Variants in EZH1 observed in about 807,000 individuals in gnomAD.
The protein encoded by EZH1 is enhancer of zeste 1 polycomb repressive complex 2 subunit.
In EZH1, 33 loss-of-function variants were observed where a neutral mutation model predicts 100.5. The ratio of observed to expected loss-of-function variants is 0.33; its 90% CI spans 0.25 to 0.44. The LOEUF (loss-of-function observed/expected upper bound fraction) is 0.44, where lower values mean the gene tolerates loss of function less well. Among genes scored for constraint, EZH1 ranks in the 20% least tolerant of loss-of-function variants. EZH1 has a pLI of 1.00. For synonymous variants in EZH1, 272 were observed against 313.8 expected (o/e 0.87, Z 1.41); for missense variants, 475 against 928.4 (o/e 0.51, Z 6.35).
chr17:42,718,043 T>A lies in EZH1; in HGVS notation c.956A>T (p.Tyr319Phe). The change falls in exon 10 of 21, where the codon TAT (tyrosine) becomes TTT (phenylalanine). Residue 319 changes from tyrosine (Y) to phenylalanine (F), a missense_variant. Tyr to Phe is a conservative substitution (Grantham distance 22, BLOSUM62 3). Coordinates refer to ENST00000428826, the MANE Select transcript of EZH1 (RefSeq NM_001991.5). This position sits in a 1 kb window ranked among gnomAD's most constrained non-coding sequence, Gnocchi z 4.2. ...LHPFHATPNV[Y>F]KRKNKEIKIE... The stretch of plus-strand genomic sequence containing the variant: ...CTTGATTTCTTTATTCTTGCGTTTA[T>A]ATACATTAGGGGTGGCATGAAAAGC... 6.2e-7 allele frequency: 1 copy of A among 1,614,208 alleles called. No homozygotes were observed. The highest frequency in any genetic ancestry group is 8.5e-7 in the Non-Finnish European group (1 of 1,180,036).
At chr17:42,728,456 C>T (rs1266031912) in intron 3 of EZH1, among the ~76,000 whole-genome samples, 1 of 149,876 alleles carries the variant, frequency 6.7e-6, no homozygotes, top group East Asian at 2.0e-4. Flanking sequence ...AATTCCAACC[C>T]CTGGGCCAGG....
intron 1 of EZH1, among the ~76,000 whole-genome samples, chr17:42,738,037 A>G (rs2054098735): frequency 6.6e-6 from 1 of 151,958 alleles, no homozygotes; most frequent in African/African-American, 2.4e-5. Context: ...TTAGCTGGGC[A>G]TGGTGGCGGG....
intron 13 of EZH1, chr17:42,709,398 G>C (rs773935055): frequency 2.2e-5 from 4 of 184,412 alleles, no homozygotes; most frequent in Non-Finnish European, 4.6e-5. Context: ...ATAGTCACTA[G>C]GGAACAGGGC....
At chr17:42,707,691 C>A (rs550019024) in intron 15 of EZH1, among the ~76,000 whole-genome samples, 1 of 152,248 alleles carries the variant, frequency 6.6e-6, no homozygotes, top group African/African-American at 2.4e-5. Flanking sequence ...TGCTGCCCCC[C>A]ACATTTCTTA....
chr17:42,707,822 T>C (rs1242931756), intron 15 of EZH1, 136 bp downstream of exon 15: 3 of 1,079,996 alleles, frequency 2.8e-6, no homozygotes, highest in Non-Finnish European at 1.3e-6. Context: ...ACTTATTTCA[T>C]TTGTAGAATC....
chr17:42,744,705 C>A (rs1331905285), intron 1 of EZH1, among the ~76,000 whole-genome samples: 1 of 152,014 alleles, frequency 6.6e-6, no homozygotes, highest in Non-Finnish European at 1.5e-5. Context: ...CTCCCGCCCA[C>A]CGGCCCACAC....
chr17:42,701,939 A>T lies in EZH1; in HGVS notation c.*593T>A, dbSNP rs2053249193. On this transcript the variant is annotated 3_prime_UTR_variant, in exon 21 of 21. Coordinates refer to ENST00000428826, the MANE Select transcript of EZH1 (RefSeq NM_001991.5). Reference sequence around the variant, plus strand: ...CCCAGCCTTGAATGCCTGTACTTAGAACCCACACTCTTTCAGTTTGAGCCC... The same window carrying T: ...CCCAGCCTTGAATGCCTGTACTTAGTACCCACACTCTTTCAGTTTGAGCCC... 1 of 152,248 alleles carries T rather than the reference A, an allele frequency of 6.6e-6. No individual in the cohort carries two copies. Among genetic ancestry groups the T allele is most frequent in the African/African-American group, 2.4e-5 (1 of 41,386 alleles). 9.4% of individuals were successfully genotyped at this position (152,248 alleles called of 1,614,324 possible). A position where few individuals can be genotyped will look rare whatever the true frequency, so the allele number is the denominator to read the frequency against.
intron 1 of EZH1, among the ~76,000 whole-genome samples, chr17:42,734,497 AC>A (rs1458497973): frequency 6.6e-6 from 1 of 151,940 alleles, no homozygotes; most frequent in Non-Finnish European, 1.5e-5. Flanking sequence ...CCCAGTCTCT[AC>A]AAAAAAATTA....
chr17:42,709,994 G>T, intron 12 of EZH1, 57 bp from the exon 13 acceptor site: 1 of 1,490,132 alleles, frequency 6.7e-7, no homozygotes, highest in Non-Finnish European at 9.4e-7. Context: ...CAGGTAAGTG[G>T]CCCAGCTGGG....
At chr17:42,728,804 C>A in intron 3 of EZH1, 21 bp downstream of exon 3, 1 of 1,607,142 alleles carries the variant, frequency 6.2e-7, no homozygotes. Context: ...TATAAACTTT[C>A]ACTTGGGAAT....
intron 2 of EZH1, among the ~76,000 whole-genome samples, chr17:42,729,714 G>A (rs1432111219): frequency 1.3e-5 from 2 of 150,642 alleles, no homozygotes; most frequent in East Asian, 3.9e-4. Context: ...ACTCCAGCCT[G>A]GGTGACACAG....
At chr17:42,732,339 T>A (rs12941408) in intron 1 of EZH1, among the ~76,000 whole-genome samples, 1 of 152,102 alleles carries the variant, frequency 6.6e-6, no homozygotes. Context: ...TGTTATTTTT[T>A]AAAGGAAAAG....
At chr17:42,730,487 CTT>C (rs1156867481) in intron 2 of EZH1, among the ~76,000 whole-genome samples, 1 of 66,660 alleles carries the variant, frequency 1.5e-5, no homozygotes, top group African/African-American at 5.8e-5. Context: ...AGTATGTATT[CTT>C]TTTTTTTTTT....
intron 1 of EZH1, 39 bp from the exon 2 acceptor site, chr17:42,730,957 G>A: frequency 1.1e-6 from 1 of 927,260 alleles, no homozygotes; most frequent in African/African-American, 1.8e-5. Flanking sequence ...TATTAAGTTA[G>A]TGCAGCAAGT....
At chr17:42,733,027 C>T (rs2053982980) in intron 1 of EZH1, among the ~76,000 whole-genome samples, 1 of 106,412 alleles carries the variant, frequency 9.4e-6, no homozygotes, top group Non-Finnish European at 1.8e-5. Context: ...GAGACACCAT[C>T]TCTACAAAAA....
In EZH1 at chr17:42,718,770, G is replaced by T. The variant is rs2053653001; in HGVS notation, c.768-153C>A. Among the ~76,000 whole-genome samples, 1 of 152,112 alleles carries T rather than the reference G, an allele frequency of 6.6e-6. No homozygotes were observed. The highest frequency in any genetic ancestry group is 2.4e-5 in the African/African-American group (1 of 41,404). On this transcript the variant is annotated intron_variant, in intron 8 of 20. Transcript: ENST00000428826. This position sits in a 1 kb window ranked among gnomAD's most constrained non-coding sequence, Gnocchi z 4.2. ...TTGATAAGAGAATGGTAGATAACTAGAGTGGGTCCACCATTGTAATTATGC... is the reference window on the plus strand; with the variant it reads ...TTGATAAGAGAATGGTAGATAACTATAGTGGGTCCACCATTGTAATTATGC...
Position 42,729,630 on chromosome 17 carries a change from G to A in EZH1, c.-11-678C>T, listed in dbSNP as rs1027941621. ...GGCTTGTGCCTGTAATCCCAGTTATGTGGGAAGCTGAGACACGAGAATTTC... is the reference window on the plus strand; with the variant it reads ...GGCTTGTGCCTGTAATCCCAGTTATATGGGAAGCTGAGACACGAGAATTTC... On this transcript the variant is annotated intron_variant, in intron 2 of 20. Transcript: ENST00000428826. Among the ~76,000 whole-genome samples, 4 of 150,710 alleles carry A rather than the reference G, an allele frequency of 2.7e-5. No individual in the cohort carries two copies. In the East Asian group the frequency reaches 7.8e-4, roughly 29 times the overall value.
chr17:42,719,235 G>A, intron 7 of EZH1, 28 bp from the exon 8 acceptor site: 1 of 1,541,592 alleles, frequency 6.5e-7, no homozygotes, highest in Non-Finnish European at 9.0e-7. Flanking sequence ...AAAAGCTCCT[G>A]AGTGCGATTA....
chr17:42,709,673 G>A, intron 13 of EZH1, 173 bp downstream of exon 13: 1 of 588,034 alleles, frequency 1.7e-6, no homozygotes, highest in Non-Finnish European at 3.0e-6. Flanking sequence ...CTAAGGCACA[G>A]ACCCTCAGGG....
Sources: allele counts gnomAD v4.1 joint callset (sites outside exome capture counted in the v4.1 genomes callset), GRCh38; gene constraint gnomAD v4.1.1; non-coding constraint Gnocchi (gnomAD v3.1); transcripts MANE v1.5; gene names NCBI Gene and HGNC (gene_info 2026-07-23, HGNC 2026-07-21).